FBXO25: variants seen among roughly 807,000 people sequenced by gnomAD.
The protein encoded by FBXO25 is F-box protein 25, also known as F-box only protein 25.
A neutral mutation model predicts 51.9 loss-of-function variants in FBXO25; 45 were observed. The observed-to-expected ratio is 0.87, with a 90% CI of 0.68 to 1.11. The LOEUF (loss-of-function observed/expected upper bound fraction) is 1.11, where lower values mean the gene tolerates loss of function less well. Among genes scored for constraint, FBXO25 ranks in the 50% most tolerant of loss-of-function variants. The probability of loss-of-function intolerance (pLI) is 0.00; values close to 1 mark genes in which losing one functional copy is unlikely to be tolerated. For synonymous variants in FBXO25, 199 were observed against 151.0 expected (o/e 1.32, Z -2.33); for missense variants, 507 against 428.5 (o/e 1.18, Z -1.62).
Position 463,071 on chromosome 8 carries a change from T to A in FBXO25, c.908T>A (p.Leu303His). ...GAATGGAAGTTGATGTACTTTGCAC[T>A]TCAGAAACATTACCCAGCGAAGGAG... is the stretch of plus-strand genomic sequence containing the variant. The part of the protein sequence containing the change: ...HIEWKLMYFA[L>H]QKHYPAKEQY... The change falls in exon 9 of 10, where the codon CTT (leucine) becomes CAT (histidine). Residue 303 changes from leucine to histidine, a missense_variant. Coordinates refer to ENST00000350302, the MANE Select transcript of FBXO25 (RefSeq NM_183420.2). The A allele has an allele frequency of 1.2e-6, 2 of 1,614,040 alleles. No homozygotes were observed. The highest frequency in any genetic ancestry group is 1.7e-6 in the Non-Finnish European group (2 of 1,179,998).
intron 1 of FBXO25, chr8:407,480 G>T (rs1025533473): frequency 2.8e-5 from 27 of 972,290 alleles, no homozygotes; most frequent in Non-Finnish European, 3.1e-5. Flanking sequence ...GAGTCGGGTG[G>T]GCACGGGGGC....
chr8:417,040 AG>A (rs1445579621), intron 2 of FBXO25, among the ~76,000 whole-genome samples: 1 of 152,200 alleles, frequency 6.6e-6, no homozygotes, highest in Non-Finnish European at 1.5e-5. Flanking sequence ...CCTCCCCGGC[AG>A]GGAAAGAAAA....
At chr8:436,781 T>G (rs1798129810) in intron 5 of FBXO25, among the ~76,000 whole-genome samples, 1 of 152,240 alleles carries the variant, frequency 6.6e-6, no homozygotes, top group Admixed American at 6.5e-5. Context: ...TGTTTCTCCA[T>G]GTAGCTCTCT....
At position 442,147 on chromosome 8, in the gene FBXO25, G is replaced by A. The variant is rs376676704; in HGVS notation, c.381+6440G>A. 8.4e-3 allele frequency among the ~76,000 whole-genome samples: 1,277 copies of A among 152,210 alleles called. 13 individuals are homozygous for A. The highest frequency in any genetic ancestry group is 0.029 in the African/African-American group (1,211 of 41,536). ...CACAATCCAATGCTAATTTACTGTT[G>A]TATAATAATTTATTCAGTAGGCCCT... On this transcript the variant is annotated intron_variant, in intron 5 of 9. Transcript: ENST00000350302.
chr8:426,335 C>T (rs1797477642), intron 2 of FBXO25, among the ~76,000 whole-genome samples: 1 of 152,102 alleles, frequency 6.6e-6, no homozygotes, highest in African/African-American at 2.4e-5. Flanking sequence ...TATATTTTTT[C>T]CCTTGAATAT....
chr8:413,290 A>G, intron 2 of FBXO25, 77 bp downstream of exon 2: 1 of 1,385,110 alleles, frequency 7.2e-7, no homozygotes, highest in Non-Finnish European at 9.4e-7. Context: ...AAGTCCCTGC[A>G]AAGCTCCATA....
At position 458,437 on chromosome 8, in the gene FBXO25, C is replaced by T; in HGVS notation, c.729C>T (p.Phe243=). ...LHMLNNILYR[F]SDGWDIITLG... is the part of the protein sequence containing the mutation. ...TGCTGAACAACATCCTATACCGGTT[C>T]TCAGACGGATGGGACATCATCACCT... The change falls in exon 8 of 10, where the codon TTC becomes TTT. Residue 243 remains phenylalanine, a synonymous_variant. Transcript: ENST00000350302. 1 of 1,614,244 alleles carries T rather than the reference C, an allele frequency of 6.2e-7. No homozygotes were observed. Among genetic ancestry groups the T allele is most frequent in the Non-Finnish European group, 8.5e-7 (1 of 1,180,036 alleles).
rs1207244013 is a variant in FBXO25, at chr8:418,333, C to CTTTTTTTTTTTTTTTTTTTTT, written c.134+5124_134+5144dup. Among the ~76,000 whole-genome samples the CTTTTTTTTTTTTTTTTTTTTT allele has an allele frequency of 3.2e-4, 23 of 72,336 alleles. 1 individual carries two copies. The highest frequency in any genetic ancestry group is 5.9e-4 in the Admixed American group (3 of 5,060). The allele number at this position is 72,336 out of a possible 152,430, so 47.5% of individuals were successfully genotyped here. ...CCTTTCTTTTGTTCGTTTGTTTGTT[C>CTTTTTTTTTTTTTTTTTTTTT]TTTTTTTTTTTTTTTTTTTTTTTTG... On this transcript the variant is annotated intron_variant, in intron 2 of 9. Coordinates refer to ENST00000350302, the MANE Select transcript of FBXO25 (RefSeq NM_183420.2).
At chr8:421,824 C>T (rs1797174708) in intron 2 of FBXO25, among the ~76,000 whole-genome samples, 1 of 152,086 alleles carries the variant, frequency 6.6e-6, no homozygotes, top group Non-Finnish European at 1.5e-5. Context: ...TGTCAGATAT[C>T]AGAAGGGTAG....
Position 471,481 on chromosome 8 carries a change from T to G in FBXO25, c.*2677T>G, listed in dbSNP as rs1236878097. On this transcript the variant is annotated 3_prime_UTR_variant, in exon 10 of 10. Coordinates refer to ENST00000350302, the MANE Select transcript of FBXO25 (RefSeq NM_183420.2). ...CCACTCCTGTGAGATTAAGTTACAT[T>G]CTGATGCCTTCATTACAATGAAGTA... 6.6e-6 allele frequency: 1 copy of G among 152,168 alleles called. No homozygotes were observed. The highest frequency in any genetic ancestry group is 1.5e-5 in the Non-Finnish European group (1 of 68,026). 9.4% of individuals were successfully genotyped at this position (152,168 alleles called of 1,614,324 possible). A position where few individuals can be genotyped will look rare whatever the true frequency, so the allele number is the denominator to read the frequency against.
In FBXO25 at chr8:468,949, G is replaced by A. The variant is rs1800373911; in HGVS notation, c.*145G>A. 1.5e-6 allele frequency: 1 copy of A among 657,198 alleles called. No individual in the cohort carries two copies. The highest frequency in any genetic ancestry group is 1.8e-5 in the African/African-American group (1 of 54,232). The allele number at this position is 657,198 out of a possible 1,614,324, so 40.7% of individuals were successfully genotyped here. On this transcript the variant is annotated 3_prime_UTR_variant, in exon 10 of 10. Coordinates refer to ENST00000350302, the MANE Select transcript of FBXO25 (RefSeq NM_183420.2). ...GGAAGAACTGCCCTTCTGCAAAGGGGGGACTGCATGGTTGCATTTTCATCA... is the reference window on the plus strand; with the variant it reads ...GGAAGAACTGCCCTTCTGCAAAGGGAGGACTGCATGGTTGCATTTTCATCA...
At chr8:414,732 T>C (rs1796691673) in intron 2 of FBXO25, among the ~76,000 whole-genome samples, 1 of 152,178 alleles carries the variant, frequency 6.6e-6, no homozygotes, top group Admixed American at 6.5e-5. Context: ...TTTGAACCAA[T>C]GGCTGCTAAC....
At chr8:409,337 G>A (rs184321881) in intron 1 of FBXO25, among the ~76,000 whole-genome samples, 1 of 152,178 alleles carries the variant, frequency 6.6e-6, no homozygotes, top group African/African-American at 2.4e-5. Flanking sequence ...CTTTTCCTCT[G>A]TGTTGAAAAT....
chr8:454,695 T>C (rs1161979216), intron 7 of FBXO25, among the ~76,000 whole-genome samples: 1 of 152,038 alleles, frequency 6.6e-6, no homozygotes, highest in African/African-American at 2.4e-5. Context: ...ATAGAGACCA[T>C]GCTGGCTAAC....
intron 2 of FBXO25, among the ~76,000 whole-genome samples, chr8:426,252 TTGTGTATACTCATAAAAAATATG>T (rs1241058846): frequency 6.6e-6 from 1 of 152,218 alleles, no homozygotes; most frequent in Non-Finnish European, 1.5e-5. Flanking sequence ...CTTCCTGTGT[TTGTGTATACTCATAAAAAATATG>T]TGTGACTTTT....
chr8:417,849 A>G (rs1413473673), intron 2 of FBXO25, among the ~76,000 whole-genome samples: 1 of 151,976 alleles, frequency 6.6e-6, no homozygotes, highest in Non-Finnish European at 1.5e-5. Context: ...CCCACTTTTC[A>G]TTATTTCTAG....
chr8:461,409 C>T (rs1485202209), intron 8 of FBXO25, among the ~76,000 whole-genome samples: 4 of 152,190 alleles, frequency 2.6e-5, no homozygotes, highest in Admixed American at 6.5e-5. Flanking sequence ...GGAGCAAAGT[C>T]ACATCCTACA....
intron 8 of FBXO25, among the ~76,000 whole-genome samples, chr8:461,639 A>G (rs1357102771): frequency 1.3e-5 from 2 of 152,038 alleles, no homozygotes; most frequent in African/African-American, 4.8e-5. Flanking sequence ...ACCTCAGGAA[A>G]AACAAAACAA....
intron 8 of FBXO25, among the ~76,000 whole-genome samples, chr8:462,610 C>T (rs1179554617): frequency 6.6e-6 from 1 of 152,086 alleles, no homozygotes; most frequent in South Asian, 2.1e-4. Flanking sequence ...TCAGATAGAC[C>T]TGGAGGCCAT....
Sources: gnomAD v4.1 joint callset for allele counts (sites outside exome capture counted in the v4.1 genomes callset) on GRCh38, gnomAD v4.1.1 for gene constraint, MANE v1.5 for transcripts, NCBI Gene and HGNC (gene_info 2026-07-23, HGNC 2026-07-21) for gene names.